Variants in ZCCHC7 observed in about 807,000 individuals in gnomAD.
ZCCHC7 encodes the protein zinc finger CCHC domain-containing protein 7.
Under a neutral mutation model 52.0 loss-of-function variants are expected in ZCCHC7, and 35 were observed. That is an observed-to-expected ratio of 0.67 (90% CI 0.51 to 0.89). The LOEUF (loss-of-function observed/expected upper bound fraction) is 0.89. ZCCHC7 is among the 40% of genes least tolerant of loss of function. The pLI is 0.00. For synonymous variants in ZCCHC7, 217 were observed against 221.5 expected, an observed-to-expected ratio of 0.98 and a Z score of 0.18; for missense variants, 574 against 649.1, an observed-to-expected ratio of 0.88 and a Z score of 1.26.
intron 2 of ZCCHC7, among the ~76,000 whole-genome samples, chr9:37,146,562 A>G (rs1048866188): frequency 6.6e-6 from 1 of 151,920 alleles, no homozygotes; most frequent in African/African-American, 2.4e-5. Context: ...TGGTAGCTGT[A>G]TTAGTTAGAA....
intron 2 of ZCCHC7, among the ~76,000 whole-genome samples, chr9:37,243,366 T>C (rs927289296): frequency 2.0e-5 from 3 of 152,024 alleles, no homozygotes; most frequent in Middle Eastern, 3.4e-3. Context: ...TGGTCACTAA[T>C]ACTGTGAAAT....
intron 2 of ZCCHC7, among the ~76,000 whole-genome samples, chr9:37,130,333 CCTTTTTTTTTT>C (rs1196859773): frequency 8.9e-6 from 1 of 112,912 alleles, no homozygotes; most frequent in Non-Finnish European, 1.8e-5. Context: ...GGAATTCTCT[CCTTTTTTTTTT>C]TTTTTTTTTT....
chr9:37,226,987 G>A (rs899174714), intron 2 of ZCCHC7, among the ~76,000 whole-genome samples: 4 of 141,750 alleles, frequency 2.8e-5, no homozygotes, highest in African/African-American at 1.1e-4. Flanking sequence ...CGAGATTGCG[G>A]CACTGCACTC....
chr9:37,167,852 A>G (rs1169103721), intron 2 of ZCCHC7, among the ~76,000 whole-genome samples: 1 of 152,178 alleles, frequency 6.6e-6, no homozygotes, highest in Non-Finnish European at 1.5e-5. Context: ...CACTGGTGGA[A>G]ATAGACACTA....
At chr9:37,250,490 C>T (rs1254310903) in intron 2 of ZCCHC7, among the ~76,000 whole-genome samples, 8 of 151,856 alleles carry the variant, frequency 5.3e-5, no homozygotes, top group African/African-American at 1.9e-4. Flanking sequence ...TTAGTAGAGG[C>T]GAGGTTTCAC....
chr9:37,305,802 A>C, intron 5 of ZCCHC7, 88 bp downstream of exon 5: 1 of 1,394,072 alleles, frequency 7.2e-7, no homozygotes, highest in South Asian at 1.3e-5. Context: ...ACTATCAGTC[A>C]GCATACCTAA....
At chr9:37,287,787 A>G (rs544437326) in intron 2 of ZCCHC7, among the ~76,000 whole-genome samples, 3 of 152,198 alleles carry the variant, frequency 2.0e-5, no homozygotes, top group African/African-American at 7.2e-5. Context: ...CATTTGATCA[A>G]TGGTGTTAAA....
chr9:37,229,729 T>G (rs1041614986), intron 2 of ZCCHC7, among the ~76,000 whole-genome samples: 10 of 152,192 alleles, frequency 6.6e-5, no homozygotes, highest in African/African-American at 2.4e-4. Context: ...ACTGTACACT[T>G]AGGCTACACT....
chr9:37,156,235 A>G (rs1260022503), intron 2 of ZCCHC7, among the ~76,000 whole-genome samples: 3 of 152,128 alleles, frequency 2.0e-5, no homozygotes, highest in African/African-American at 7.2e-5. Flanking sequence ...TTTGAATTAA[A>G]TTTCTGTTTT....
At chr9:37,165,168 C>G (rs961100155) in intron 2 of ZCCHC7, among the ~76,000 whole-genome samples, 4 of 152,132 alleles carry the variant, frequency 2.6e-5, no homozygotes, top group African/African-American at 7.2e-5. Flanking sequence ...ATATATTGAT[C>G]TTGATTCCTA....
At chr9:37,291,702 T>G (rs1828545391) in intron 2 of ZCCHC7, among the ~76,000 whole-genome samples, 1 of 152,138 alleles carries the variant, frequency 6.6e-6, no homozygotes, top group African/African-American at 2.4e-5. Flanking sequence ...GAGATGGAAT[T>G]TTGCTTTTTG....
At chr9:37,205,283 C>A in intron 2 of ZCCHC7, 1 of 228,754 alleles carries the variant, frequency 4.4e-6, no homozygotes, top group East Asian at 1.2e-4. Flanking sequence ...TACCTATTCC[C>A]TTGATGTCTG....
chr9:37,198,735 T>C (rs1823424171), intron 2 of ZCCHC7, among the ~76,000 whole-genome samples: 1 of 152,176 alleles, frequency 6.6e-6, no homozygotes, highest in African/African-American at 2.4e-5. Flanking sequence ...CAGTCTCTAG[T>C]ACAGTATCTT....
At chr9:37,239,350 A>G (rs1487422005) in intron 2 of ZCCHC7, among the ~76,000 whole-genome samples, 1 of 151,960 alleles carries the variant, frequency 6.6e-6, no homozygotes, top group Non-Finnish European at 1.5e-5. Context: ...TTTTGTTGGT[A>G]TTAGATTCTT....
At chr9:37,149,682 A>C (rs945066884) in intron 2 of ZCCHC7, among the ~76,000 whole-genome samples, 4 of 152,214 alleles carry the variant, frequency 2.6e-5, no homozygotes, top group African/African-American at 9.6e-5. Flanking sequence ...TTTCGCATGT[A>C]ATATATGCTA....
intron 8 of ZCCHC7, among the ~76,000 whole-genome samples, chr9:37,356,417 T>A (rs1821705981): frequency 6.6e-6 from 1 of 152,244 alleles, no homozygotes; most frequent in Non-Finnish European, 1.5e-5. Flanking sequence ...TGGCCAGGCC[T>A]TATCTTTAGA....
intron 6 of ZCCHC7, among the ~76,000 whole-genome samples, chr9:37,330,593 A>G (rs1048968148): frequency 6.6e-6 from 1 of 151,682 alleles, no homozygotes; most frequent in African/African-American, 2.4e-5. Flanking sequence ...AATTTCCTCA[A>G]ATAGTTAATA....
intron 5 of ZCCHC7, among the ~76,000 whole-genome samples, chr9:37,311,842 CAAT>C (rs569168423): frequency 2.8e-4 from 43 of 152,234 alleles, no homozygotes; most frequent in Middle Eastern, 3.4e-3. Flanking sequence ...CGTGAGTGCT[CAAT>C]GATGTTTCTT....
intron 6 of ZCCHC7, among the ~76,000 whole-genome samples, chr9:37,330,345 G>A (rs1192804125): frequency 2.0e-5 from 3 of 151,468 alleles, no homozygotes; most frequent in South Asian, 2.1e-4. Context: ...GAATATAATA[G>A]CTTTTTAATC....
Sources: gnomAD v4.1 joint callset for allele counts (sites outside exome capture counted in the v4.1 genomes callset) on GRCh38, gnomAD v4.1.1 for gene constraint, MANE v1.5 for transcripts, NCBI Gene and HGNC (gene_info 2026-07-23, HGNC 2026-07-21) for gene names.